The following SGCD variants were observed in gnomAD, a reference collection of about 807,000 sequenced individuals.
SGCD encodes the protein sarcoglycan delta.
In SGCD, 18 loss-of-function variants were observed where a neutral mutation model predicts 36.6. That is an observed-to-expected ratio of 0.49 (90% confidence interval 0.34 to 0.73). The LOEUF (loss-of-function observed/expected upper bound fraction) is 0.73, where lower values mean the gene tolerates loss of function less well. SGCD is among the 30% of genes least tolerant of loss of function. The pLI, the probability that SGCD is intolerant of heterozygous loss-of-function variation, is 0.01. For synonymous variants in SGCD, 133 were observed against 130.6 expected (o/e 1.02, Z -0.12); for missense variants, 387 against 346.7 (o/e 1.12, Z -0.92).
At chr5:155,966,403 T>A (rs1757903225) in intron 1 of SGCD, among the ~76,000 whole-genome samples, 2 of 152,144 alleles carry the variant, frequency 1.3e-5, no homozygotes, top group African/African-American at 4.8e-5. Flanking sequence ...ATGAGGGCAA[T>A]ACCCATTCTT....
chr5:155,848,141 G>A, the SGCD span, among the ~76,000 whole-genome samples: 1 of 152,172 alleles, frequency 6.6e-6, no homozygotes, highest in East Asian at 1.9e-4. Flanking sequence ...CAGAGGGAGG[G>A]AGGGGGAGAC....
intron 4 of SGCD, among the ~76,000 whole-genome samples, chr5:156,556,995 G>C (rs1232334449): frequency 6.6e-6 from 1 of 152,152 alleles, no homozygotes; most frequent in Non-Finnish European, 1.5e-5. Flanking sequence ...GTACCTTGCT[G>C]TCTGTTCTTA....
rs149647628 is a variant in SGCD at position 156,006,269 on chromosome 5, T to C, written c.-281-111609T>C. Among the ~76,000 whole-genome samples, 7 of 152,350 alleles carry C rather than the reference T, an allele frequency of 4.6e-5. No homozygotes were observed. The East Asian group carries it at 1.3e-3, about 29-fold the overall frequency. ...TTTCTAAATAAGGTCACTGACAGCA[T>C]TTATATGCATTATGGCACTTTCTAG... On this transcript the variant is annotated intron_variant, in intron 1 of 9. Transcript: ENST00000517913.
At chr5:156,587,020 A>T (rs1230593412) in intron 4 of SGCD, among the ~76,000 whole-genome samples, 4 of 152,148 alleles carry the variant, frequency 2.6e-5, no homozygotes, top group Non-Finnish European at 4.4e-5. Context: ...AAGAGAAATG[A>T]TTTACCCAAG....
chr5:156,648,842 G>A (rs1052153469), intron 7 of SGCD, among the ~76,000 whole-genome samples: 1 of 152,098 alleles, frequency 6.6e-6, no homozygotes, highest in Non-Finnish European at 1.5e-5. Flanking sequence ...CTATGAGAAA[G>A]AGTTATTGCC....
chr5:156,190,287 G>T (rs1202367677), intron 3 of SGCD, among the ~76,000 whole-genome samples: 1 of 152,130 alleles, frequency 6.6e-6, no homozygotes, highest in East Asian at 1.9e-4. Flanking sequence ...CCTAGCTGGT[G>T]CTTACTAAAT....
chr5:156,281,066 G>A (rs371656424), intron 3 of SGCD, among the ~76,000 whole-genome samples: 20 of 152,248 alleles, frequency 1.3e-4, no homozygotes, highest in African/African-American at 4.8e-4. Flanking sequence ...TGTACATACA[G>A]AATTCGAGGG....
chr5:156,251,660 A>G (rs1169175461), intron 3 of SGCD, among the ~76,000 whole-genome samples: 1 of 151,586 alleles, frequency 6.6e-6, no homozygotes, highest in Non-Finnish European at 1.5e-5. Flanking sequence ...GACTACAGGC[A>G]CCCGCCACCA....
chr5:156,669,435 A>T (rs1753198107), intron 7 of SGCD, among the ~76,000 whole-genome samples: 1 of 152,260 alleles, frequency 6.6e-6, no homozygotes, highest in South Asian at 2.1e-4. Flanking sequence ...ATTTATCTTA[A>T]AGAATAAATG....
At chr5:156,111,003 T>C (rs1430254922) in intron 1 of SGCD, among the ~76,000 whole-genome samples, 1 of 152,078 alleles carries the variant, frequency 6.6e-6, no homozygotes. Context: ...AAAAAATATG[T>C]TTAGCAAATT....
At chr5:156,628,089 G>T (rs759008650) in intron 6 of SGCD, among the ~76,000 whole-genome samples, 2 of 152,158 alleles carry the variant, frequency 1.3e-5, no homozygotes, top group Admixed American at 1.3e-4. Flanking sequence ...GGCAGAGGGG[G>T]AGCAAGCACA....
intron 1 of SGCD, among the ~76,000 whole-genome samples, chr5:155,955,583 A>G (rs550545803): frequency 5.5e-4 from 83 of 152,092 alleles, no homozygotes; most frequent in Non-Finnish European, 1.0e-3. Context: ...ATATTATTGG[A>G]ACTCTCATAT....
rs147274023 is a variant in SGCD at position 156,019,400 on chromosome 5, G to GA, written c.-281-98469dup. Among the ~76,000 whole-genome samples, 771 of 149,814 alleles carry GA rather than the reference G, an allele frequency of 5.1e-3. 9 individuals are homozygous for GA. The highest frequency in any genetic ancestry group is 0.017 in the African/African-American group (707 of 40,912). On this transcript the variant is annotated intron_variant, in intron 1 of 9. Transcript: ENST00000517913. ...TTTGATATTCTTCTTTCCAAAGGCT[G>GA]AAAAAAAAAGCCTTTCATTTAAAAT...
chr5:156,092,748 G>A (rs191649989), intron 1 of SGCD, among the ~76,000 whole-genome samples: 30 of 152,348 alleles, frequency 2.0e-4, no homozygotes, highest in Admixed American at 1.3e-3. Flanking sequence ...AGTTACTTGA[G>A]CATTTAATTT....
intron 3 of SGCD, among the ~76,000 whole-genome samples, chr5:156,354,353 G>A (rs1475193652): frequency 6.6e-6 from 1 of 152,074 alleles, no homozygotes; most frequent in African/African-American, 2.4e-5. Context: ...CTAGTATTGA[G>A]AGCTTAGGCC....
At chr5:156,213,212 G>A (rs1172970548) in intron 3 of SGCD, among the ~76,000 whole-genome samples, 1 of 151,752 alleles carries the variant, frequency 6.6e-6, no homozygotes, top group Non-Finnish European at 1.5e-5. Flanking sequence ...TAAAACTAAG[G>A]GTTGTTTTTT....
At chr5:156,276,680 G>C (rs188559545) in intron 3 of SGCD, among the ~76,000 whole-genome samples, 31 of 152,136 alleles carry the variant, frequency 2.0e-4, no homozygotes, top group African/African-American at 7.2e-4. Context: ...ACCCCATACT[G>C]TTCTGGAAAC....
chr5:155,835,373 GCAAA>G, the SGCD span, among the ~76,000 whole-genome samples: 5 of 152,170 alleles, frequency 3.3e-5, no homozygotes, highest in East Asian at 3.9e-4. Flanking sequence ...TGTGAAAAAT[GCAAA>G]CAATCTACAG....
At chr5:156,325,334 G>T (rs377496147), upstream of SGCD, among the ~76,000 whole-genome samples, 4 of 148,596 alleles carry the variant, frequency 2.7e-5, no homozygotes, top group Non-Finnish European at 5.9e-5. Context: ...TGGCTTTTAG[G>T]TTAGAGAAAA....
Sources: allele counts gnomAD v4.1 joint callset (sites outside exome capture counted in the v4.1 genomes callset), GRCh38; gene constraint gnomAD v4.1.1; transcripts MANE v1.5; gene names NCBI Gene and HGNC (gene_info 2026-07-23, HGNC 2026-07-21).